SNAPC1: variants seen among roughly 807,000 people sequenced by gnomAD.
The protein encoded by SNAPC1 is small nuclear RNA activating complex polypeptide 1, also known as snRNA-activating protein complex subunit 1.
SNAPC1 carries 42 observed loss-of-function variants against 50.1 expected under a neutral mutation model. The ratio of observed to expected loss-of-function variants is 0.84; its 90% CI spans 0.65 to 1.08. The LOEUF (loss-of-function observed/expected upper bound fraction) is 1.08. Ranked by LOEUF, SNAPC1 falls within the 50% of genes least tolerant of loss-of-function variation. The pLI is 0.00. For missense variants in SNAPC1, 477 were observed against 427.3 expected (o/e 1.12, Z -1.02); for synonymous variants, 164 against 144.2 (o/e 1.14, Z -0.98).
chr14:61,783,687 C>G (rs1339914568), intron 8 of SNAPC1, among the ~76,000 whole-genome samples: 2 of 151,858 alleles, frequency 1.3e-5, no homozygotes, highest in African/African-American at 4.8e-5. Context: ...AGGCGCCCAC[C>G]ACCATGCCTG....
chr14:61,780,361 T>C (rs2045063285), intron 7 of SNAPC1, among the ~76,000 whole-genome samples: 2 of 152,176 alleles, frequency 1.3e-5, no homozygotes, highest in Admixed American at 1.3e-4. Flanking sequence ...AGAGCAGGCC[T>C]TCTGTTTTGT....
intron 8 of SNAPC1, among the ~76,000 whole-genome samples, chr14:61,789,083 T>G (rs2045134365): frequency 6.6e-6 from 1 of 151,892 alleles, no homozygotes; most frequent in South Asian, 2.1e-4. Context: ...ATACAAAAAT[T>G]AGCTGGGTGT....
At chr14:61,764,514 G>A (rs1019467391) in intron 1 of SNAPC1, among the ~76,000 whole-genome samples, 4 of 152,044 alleles carry the variant, frequency 2.6e-5, no homozygotes, top group African/African-American at 9.7e-5. Context: ...GTTATAAAAA[G>A]CAGGTATAAT....
intron 8 of SNAPC1, among the ~76,000 whole-genome samples, chr14:61,787,369 A>G (rs2045121856): frequency 6.7e-6 from 1 of 149,898 alleles, no homozygotes; most frequent in Non-Finnish European, 1.5e-5. Context: ...TTATATTTCA[A>G]AAATTAACTT....
intron 8 of SNAPC1, among the ~76,000 whole-genome samples, chr14:61,787,406 T>TA (rs1426343119): frequency 1.4e-5 from 2 of 140,398 alleles, no homozygotes; most frequent in African/African-American, 2.8e-5. Flanking sequence ...TTTTTTTTTT[T>TA]TAAAGAAAAT....
chr14:61,792,972 C>A (rs984390267), intron 9 of SNAPC1, 70 bp downstream of exon 9: 16 of 732,890 alleles, frequency 2.2e-5, no homozygotes, highest in Middle Eastern at 2.4e-4. Flanking sequence ...AGGTTTAGAA[C>A]CCTTGAGGAA....
At chr14:61,767,802 CAG>C (rs2044959786) in intron 3 of SNAPC1, among the ~76,000 whole-genome samples, 1 of 151,718 alleles carries the variant, frequency 6.6e-6, no homozygotes, top group African/African-American at 2.4e-5. Flanking sequence ...CTTTTTGATA[CAG>C]AGTCTTGCCC....
At chr14:61,791,348 C>A (rs892952906) in intron 8 of SNAPC1, among the ~76,000 whole-genome samples, 5 of 152,148 alleles carry the variant, frequency 3.3e-5, no homozygotes, top group Admixed American at 1.3e-4. Context: ...TTTTTGCTAT[C>A]TTTCTCAAAT....
At chr14:61,794,832 T>C (rs1294542720) in intron 9 of SNAPC1, 117 bp from the exon 10 acceptor site, 1 of 743,026 alleles carries the variant, frequency 1.3e-6, no homozygotes, top group East Asian at 2.5e-5. Flanking sequence ...GTTAGACGTC[T>C]ATGTAGTTGA....
intron 4 of SNAPC1, among the ~76,000 whole-genome samples, chr14:61,774,132 ACTGT>A (rs1367821826): frequency 6.6e-6 from 1 of 150,974 alleles, no homozygotes; most frequent in Non-Finnish European, 1.5e-5. Context: ...AAGTCCATGC[ACTGT>A]CTTTTATTTC....
chr14:61,764,171 C>A (rs1184022283), intron 1 of SNAPC1, among the ~76,000 whole-genome samples: 2 of 152,104 alleles, frequency 1.3e-5, no homozygotes, highest in South Asian at 2.1e-4. Context: ...TTATTACTAC[C>A]GTTTTAAAAT....
intron 8 of SNAPC1, among the ~76,000 whole-genome samples, chr14:61,787,477 A>G (rs1233727462): frequency 6.6e-6 from 1 of 152,176 alleles, no homozygotes; most frequent in East Asian, 1.9e-4. Flanking sequence ...AGTATCGCAC[A>G]GCCCCTAGAA....
chr14:61,766,010 G>A (rs754324376), intron 1 of SNAPC1, among the ~76,000 whole-genome samples: 2 of 152,212 alleles, frequency 1.3e-5, no homozygotes, highest in Admixed American at 6.5e-5. Flanking sequence ...AAAAAGTAAA[G>A]TAGAGGTTCT....
chr14:61,775,625 G>A lies in SNAPC1; in HGVS notation c.535-470G>A, dbSNP rs182589877. Among the ~76,000 whole-genome samples the A allele has an allele frequency of 3.9e-5, 6 of 152,290 alleles. No homozygotes were observed. The East Asian group carries it at 5.8e-4, about 15-fold the overall frequency. ...GAAGCTTATGGGAACAGGCACATAC[G>A]TTTTGGGATTTCTGTGGCAGGTTGG... On this transcript the variant is annotated intron_variant, in intron 4 of 9. Transcript: ENST00000216294.
At chr14:61,783,527 GGTTT>G (rs1445675815) in intron 8 of SNAPC1, among the ~76,000 whole-genome samples, 2 of 127,148 alleles carry the variant, frequency 1.6e-5, no homozygotes, top group East Asian at 2.2e-4. Context: ...AGTTTGGTTT[GGTTT>G]TTTTTTTTTT....
rs982636321 is a variant in SNAPC1 at position 61,775,534 on chromosome 14, G to A, written c.535-561G>A. 2.0e-5 allele frequency among the ~76,000 whole-genome samples: 3 copies of A among 152,212 alleles called. No individual in the cohort carries two copies. The East Asian group carries it at 5.8e-4, about 29-fold the overall frequency. ...CTCCCAAAGTGCTGGGATTATAGGT[G>A]TGAGCCACCACACCTGGCCTACCCT... On this transcript the variant is annotated intron_variant, in intron 4 of 9. Coordinates refer to ENST00000216294, the MANE Select transcript of SNAPC1 (RefSeq NM_003082.4).
intron 1 of SNAPC1, among the ~76,000 whole-genome samples, chr14:61,763,405 A>G (rs1247380990): frequency 6.6e-6 from 1 of 150,892 alleles, no homozygotes. Flanking sequence ...TGCCAAGACC[A>G]TTCCTCACTG....
intron 4 of SNAPC1, among the ~76,000 whole-genome samples, chr14:61,775,132 C>A (rs1407999412): frequency 6.6e-6 from 1 of 152,166 alleles, no homozygotes; most frequent in Non-Finnish European, 1.5e-5. Flanking sequence ...CTTAAGTCCA[C>A]TCTGTGGTAT....
At chr14:61,789,626 G>T (rs555844888) in intron 8 of SNAPC1, among the ~76,000 whole-genome samples, 4 of 152,244 alleles carry the variant, frequency 2.6e-5, no homozygotes, top group Non-Finnish European at 5.9e-5. Context: ...TGTGAAAAAG[G>T]CAAAGTAGCT....
Sources: gnomAD v4.1 joint callset for allele counts (sites outside exome capture counted in the v4.1 genomes callset) on GRCh38, gnomAD v4.1.1 for gene constraint, MANE v1.5 for transcripts, NCBI Gene and HGNC (gene_info 2026-07-23, HGNC 2026-07-21) for gene names.